The following RUNX3 variants were observed in gnomAD, a reference collection of about 807,000 sequenced individuals.
The protein encoded by RUNX3 is runt-related transcription factor 3.
Under a neutral mutation model 27.7 loss-of-function variants are expected in RUNX3, and 10 were observed. The observed-to-expected ratio is 0.36, with a 90% confidence interval of 0.22 to 0.61. The LOEUF is 0.61. RUNX3 is among the 20% of genes least tolerant of loss of function. The probability of loss-of-function intolerance (pLI) is 0.72; values close to 1 mark genes in which losing one functional copy is unlikely to be tolerated. For missense variants in RUNX3, 469 were observed against 629.5 expected, an observed-to-expected ratio of 0.75 and a Z score of 2.73; for synonymous variants, 270 against 269.2, an observed-to-expected ratio of 1.00 and a Z score of -0.03.
intron 2 of RUNX3, among the ~76,000 whole-genome samples, chr1:24,951,935 C>G (rs374648528): frequency 6.6e-6 from 1 of 152,160 alleles, no homozygotes; most frequent in Non-Finnish European, 1.5e-5. Flanking sequence ...TGCCACTGCA[C>G]TCCAGCCTGG....
intron 2 of RUNX3, among the ~76,000 whole-genome samples, chr1:24,921,770 G>T (rs1641005325): frequency 6.6e-6 from 1 of 152,124 alleles, no homozygotes; most frequent in Non-Finnish European, 1.5e-5. Flanking sequence ...GGGAGTTTAG[G>T]CAGACAGCCC....
intron 3 of RUNX3, among the ~76,000 whole-genome samples, chr1:24,913,583 G>A (rs1051969908): frequency 5.9e-5 from 9 of 152,260 alleles, no homozygotes; most frequent in African/African-American, 1.2e-4. Flanking sequence ...TCTCTGATGC[G>A]TCTGTGCAGT....
At chr1:24,948,892 T>A (rs1641683661) in intron 2 of RUNX3, among the ~76,000 whole-genome samples, 1 of 152,036 alleles carries the variant, frequency 6.6e-6, no homozygotes, top group South Asian at 2.1e-4. Flanking sequence ...CTCTTATGAT[T>A]GTCTATTTAA....
chr1:24,964,717 T>C (rs1484413301), intron 1 of RUNX3: 2 of 1,484,696 alleles, frequency 1.3e-6, no homozygotes, highest in Non-Finnish European at 1.8e-6. Context: ...TTTTTTGTTT[T>C]GTTTTTGTCT....
intron 2 of RUNX3, among the ~76,000 whole-genome samples, chr1:24,954,328 G>C (rs1641857163): frequency 6.6e-6 from 1 of 152,200 alleles, no homozygotes; most frequent in Non-Finnish European, 1.5e-5. Flanking sequence ...TTTCCCTAAT[G>C]TTCTTACTGG....
chr1:24,908,837 C>A (rs183997838), intron 3 of RUNX3, among the ~76,000 whole-genome samples: 1 of 152,324 alleles, frequency 6.6e-6, no homozygotes, highest in African/African-American at 2.4e-5. Flanking sequence ...GAGGGGACTG[C>A]AGGCTTTTCC....
intron 3 of RUNX3, among the ~76,000 whole-genome samples, chr1:24,912,875 G>A (rs1640822144): frequency 6.6e-6 from 1 of 151,990 alleles, no homozygotes; most frequent in African/African-American, 2.4e-5. Flanking sequence ...CTCCACAATA[G>A]ATGTTAGGGC....
rs768586012 is a variant in RUNX3 at position 24,902,353 on chromosome 1, G to A, written c.1017C>T (p.Gly339=). 19 of 1,611,966 alleles carry A rather than the reference G, an allele frequency of 1.2e-5. No individual in the cohort carries two copies. The highest frequency in any genetic ancestry group is 1.6e-5 in the Non-Finnish European group (19 of 1,179,800). The stretch of plus-strand genomic sequence containing the variant: ...CGGCCACCATGGAGAACTGGTAGGA[G>A]CCAGAGGATGTCCCGTAGTAGAGGT... ...PYHLYYGTSS[G]SYQFSMVAGS... is the part of the protein sequence containing the mutation. The change falls in exon 5 of 5, where the codon GGC becomes GGT. Residue 339 remains glycine (G), a synonymous_variant. Transcript: ENST00000308873. The surrounding 1 kb of genome is among the most constrained non-coding windows in gnomAD (Gnocchi z 9.2).
At chr1:24,934,553 G>A (rs753448556), upstream of RUNX3, among the ~76,000 whole-genome samples, 8 of 152,196 alleles carry the variant, frequency 5.3e-5, no homozygotes, top group Non-Finnish European at 5.9e-5. Flanking sequence ...ACAGCTGGGG[G>A]TGCTGAGGCT....
chr1:24,908,608 G>A (rs1640737570), intron 3 of RUNX3, among the ~76,000 whole-genome samples: 1 of 152,194 alleles, frequency 6.6e-6, no homozygotes, highest in Non-Finnish European at 1.5e-5. Flanking sequence ...GGAGGCTGCA[G>A]TGAGCTGATT....
rs367553038 is a variant in RUNX3, at chr1:24,902,049, C to T, written c.*73G>A. 2.5e-5 allele frequency: 34 copies of T among 1,381,046 alleles called. No individual in the cohort carries two copies. Among genetic ancestry groups the T allele is most frequent in the South Asian group, 2.1e-4 (14 of 67,434 alleles). The allele number at this position is 1,381,046 out of a possible 1,614,324, so 85.5% of individuals were successfully genotyped here. A position where few individuals can be genotyped will look rare whatever the true frequency, so the allele number is the denominator to read the frequency against. On this transcript the variant is annotated 3_prime_UTR_variant, in exon 5 of 5. Coordinates refer to ENST00000308873, the MANE Select transcript of RUNX3 (RefSeq NM_004350.3). This position sits in a 1 kb window ranked among gnomAD's most constrained non-coding sequence, Gnocchi z 9.2. Reference sequence around the variant, plus strand: ...CAGGTCCCATTCCCGCCCGGAGCCTCGGAGCCGGCCCATCACTGGTCTTGA... The same window carrying T: ...CAGGTCCCATTCCCGCCCGGAGCCTTGGAGCCGGCCCATCACTGGTCTTGA...
Position 24,902,380 on chromosome 1 carries a change from G to A in RUNX3, c.990C>T (p.Tyr330=), listed in dbSNP as rs1260111295. Residue 330 remains tyrosine, a synonymous_variant, in exon 5 of 5, where the codon TAC becomes TAT. Transcript: ENST00000308873. This position sits in a 1 kb window ranked among gnomAD's most constrained non-coding sequence, Gnocchi z 9.2. ...SGPFQANPSP[Y]HLYYGTSSGS... ...CAGAGGATGTCCCGTAGTAGAGGTGGTAGGGGGACGGGTTGGCCTGGAAGG... is the reference window on the plus strand; with the variant it reads ...CAGAGGATGTCCCGTAGTAGAGGTGATAGGGGGACGGGTTGGCCTGGAAGG... 1.9e-6 allele frequency: 3 copies of A among 1,612,488 alleles called. No individual in the cohort carries two copies. The highest frequency in any genetic ancestry group is 1.1e-5 in the South Asian group (1 of 91,060).
rs1448303099 is a variant in RUNX3, at chr1:24,902,999, G to C, written c.704-333C>G. 1.3e-5 allele frequency among the ~76,000 whole-genome samples: 2 copies of C among 152,216 alleles called. No homozygotes were observed. Among genetic ancestry groups the C allele is most frequent in the African/African-American group, 4.8e-5 (2 of 41,462 alleles). ...GGAGAGGCCTAGGATGCGGTGGTGG[G>C]GCTGAGGGCAGAGTCAGCTCAGGCC... On this transcript the variant is annotated intron_variant, in intron 4 of 4. Coordinates refer to ENST00000308873, the MANE Select transcript of RUNX3 (RefSeq NM_004350.3). This position sits in a 1 kb window ranked among gnomAD's most constrained non-coding sequence, Gnocchi z 9.2.
Position 24,907,240 on chromosome 1 carries a change from C to T in RUNX3, c.703+19G>A. On this transcript the variant is annotated intron_variant, in intron 4 of 4. Transcript: ENST00000308873. ...CACCCCCACCTCACCCCGCTGCAGC[C>T]CCTCCCTCCGTGCCGTACCTTGGAT... 6.2e-7 allele frequency: 1 copy of T among 1,603,570 alleles called. No individual in the cohort carries two copies. Among genetic ancestry groups the T allele is most frequent in the South Asian group, 1.1e-5 (1 of 90,914 alleles).
chr1:24,903,302 G>A (rs1453537981), intron 4 of RUNX3, among the ~76,000 whole-genome samples: 2 of 152,208 alleles, frequency 1.3e-5, no homozygotes, highest in Non-Finnish European at 2.9e-5. Context: ...TGGGTTGTGG[G>A]CACTGAGTTC....
chr1:24,922,441 A>G (rs1039929439), intron 2 of RUNX3, among the ~76,000 whole-genome samples: 3 of 152,184 alleles, frequency 2.0e-5, no homozygotes, highest in Non-Finnish European at 4.4e-5. Flanking sequence ...GTACGAGCGT[A>G]GGCAACAAAC....
At chr1:24,936,612 G>A (rs1323261148) in intron 2 of RUNX3, among the ~76,000 whole-genome samples, 4 of 152,192 alleles carry the variant, frequency 2.6e-5, no homozygotes, top group Non-Finnish European at 4.4e-5. Context: ...GCCAGTGCCA[G>A]GGACAGAGTC....
Position 24,927,553 on chromosome 1 carries a change from C to A in RUNX3, c.439+21G>T, listed in dbSNP as rs768855118. 52 of 1,613,042 alleles carry A rather than the reference C, an allele frequency of 3.2e-5. 1 individual carries two copies. The South Asian group carries it at 5.2e-4, about 16-fold the overall frequency. On this transcript the variant is annotated intron_variant, in intron 2 of 4. Coordinates refer to ENST00000308873, the MANE Select transcript of RUNX3 (RefSeq NM_004350.3). The surrounding 1 kb of genome is among the most constrained non-coding windows in gnomAD (Gnocchi z 5.0). The stretch of plus-strand genomic sequence containing the variant: ...CCTGCCATTGCCAATGCTGAAATGG[C>A]GAGGCCTCCCTTCCACTTACCTCGC...
intron 2 of RUNX3, among the ~76,000 whole-genome samples, chr1:24,922,512 C>A (rs1641018981): frequency 6.6e-6 from 1 of 152,188 alleles, no homozygotes; most frequent in African/African-American, 2.4e-5. Flanking sequence ...CAGATACTTA[C>A]ATATCACATT....
Sources: allele counts gnomAD v4.1 joint callset (sites outside exome capture counted in the v4.1 genomes callset), GRCh38; gene constraint gnomAD v4.1.1; non-coding constraint Gnocchi (gnomAD v3.1); transcripts MANE v1.5; gene names NCBI Gene and HGNC (gene_info 2026-07-23, HGNC 2026-07-21).